Variants in TYW1 observed in about 807,000 individuals in gnomAD.
The protein encoded by TYW1 is S-adenosyl-L-methionine-dependent tRNA 4-demethylwyosine synthase TYW1.
A neutral mutation model predicts 96.2 loss-of-function variants in TYW1; 46 were observed. That is an observed-to-expected ratio of 0.48 (90% CI 0.38 to 0.61). The LOEUF (loss-of-function observed/expected upper bound fraction) is 0.61, where lower values mean the gene tolerates loss of function less well. Ranked by LOEUF, TYW1 falls within the 20% of genes least tolerant of loss-of-function variation. TYW1 has a pLI of 0.00. For missense variants in TYW1, 684 were observed against 909.6 expected (o/e 0.75, Z 3.19); for synonymous variants, 274 against 323.0 (o/e 0.85, Z 1.63).
chr7:66,999,089 C>A, intron 3 of TYW1, 135 bp downstream of exon 3: 1 of 924,610 alleles, frequency 1.1e-6, no homozygotes. Flanking sequence ...ATTCTTTCTC[C>A]CAGCCTTTTC....
At chr7:67,170,374 A>G (rs775709578) in intron 13 of TYW1, among the ~76,000 whole-genome samples, 15 of 152,172 alleles carry the variant, frequency 9.9e-5, no homozygotes, top group Non-Finnish European at 1.6e-4. Context: ...TGAATCTTCT[A>G]ACTTTCTTCT....
At chr7:67,210,682 C>A (rs1291541453) in intron 15 of TYW1, among the ~76,000 whole-genome samples, 1 of 138,496 alleles carries the variant, frequency 7.2e-6, no homozygotes, top group African/African-American at 2.8e-5. Flanking sequence ...ATCTGTCTAT[C>A]CATCCATTCG....
At chr7:67,087,932 T>G (rs534248050) in intron 11 of TYW1, among the ~76,000 whole-genome samples, 3 of 152,210 alleles carry the variant, frequency 2.0e-5, no homozygotes, top group African/African-American at 7.2e-5. Context: ...GGCATGATCT[T>G]GGCTCACTGC....
chr7:67,207,681 CTT>C (rs11286327), intron 15 of TYW1, among the ~76,000 whole-genome samples: 55 of 116,556 alleles, frequency 4.7e-4, no homozygotes, highest in East Asian at 4.7e-4. Flanking sequence ...TTTTGTTTGC[CTT>C]TTTTTTTTTT....
chr7:66,997,989 TTTC>T (rs1793247587), intron 1 of TYW1, 73 bp from the exon 2 acceptor site: 1 of 1,489,236 alleles, frequency 6.7e-7, no homozygotes, highest in Non-Finnish European at 8.9e-7. Flanking sequence ...TTGGTTTTAT[TTTC>T]TTCTTAAAAT....
chr7:67,098,249 A>G (rs1349240572), intron 11 of TYW1, among the ~76,000 whole-genome samples: 5 of 152,256 alleles, frequency 3.3e-5, no homozygotes, highest in African/African-American at 9.6e-5. Context: ...TGCAAAGCTA[A>G]GCAAATTATG....
At chr7:67,104,050 G>C (rs1163509191) in intron 12 of TYW1, among the ~76,000 whole-genome samples, 6 of 152,036 alleles carry the variant, frequency 3.9e-5, no homozygotes, top group Non-Finnish European at 7.4e-5. Context: ...CTAAGTAACT[G>C]CAATACCACC....
At chr7:67,209,629 G>T (rs1800932023) in intron 15 of TYW1, among the ~76,000 whole-genome samples, 1 of 152,054 alleles carries the variant, frequency 6.6e-6, no homozygotes, top group Non-Finnish European at 1.5e-5. Context: ...TTGGAGTGCA[G>T]TGGCGCGATC....
At chr7:67,044,322 T>C (rs1420272267) in intron 7 of TYW1, among the ~76,000 whole-genome samples, 1 of 152,102 alleles carries the variant, frequency 6.6e-6, no homozygotes, top group Non-Finnish European at 1.5e-5. Flanking sequence ...GTTCTAGAAC[T>C]CCTGACCTCA....
chr7:67,064,523 A>G (rs1795799019), intron 9 of TYW1, among the ~76,000 whole-genome samples: 1 of 152,218 alleles, frequency 6.6e-6, no homozygotes, highest in South Asian at 2.1e-4. Context: ...ACAGTTTCAC[A>G]TGGCTGGGGA....
At chr7:67,028,967 A>G (rs1319314944) in intron 7 of TYW1, among the ~76,000 whole-genome samples, 11 of 151,684 alleles carry the variant, frequency 7.3e-5, no homozygotes, top group Non-Finnish European at 1.3e-4. Flanking sequence ...GTGATTTCCA[A>G]GTGGTGTTGG....
chr7:67,179,865 A>ATTTT (rs200362190), intron 13 of TYW1, among the ~76,000 whole-genome samples: 3 of 87,200 alleles, frequency 3.4e-5, no homozygotes, highest in African/African-American at 1.2e-4. Flanking sequence ...ATATATATAT[A>ATTTT]TTTTTTTTTT....
chr7:67,065,995 G>A (rs568864174), intron 9 of TYW1, among the ~76,000 whole-genome samples: 8 of 137,780 alleles, frequency 5.8e-5, no homozygotes, highest in African/African-American at 2.2e-4. Flanking sequence ...AGGTGACAGA[G>A]TGAGACTACA....
In TYW1 at chr7:67,239,223, G is replaced by A. The variant is rs1208069583; in HGVS notation, c.*694G>A. The A allele has an allele frequency of 1.0e-6, 1 of 985,030 alleles. No individual in the cohort carries two copies. Among genetic ancestry groups the A allele is most frequent in the Non-Finnish European group, 1.2e-6 (1 of 829,700 alleles). 61.0% of individuals were successfully genotyped at this position (985,030 alleles called of 1,614,324 possible). A position where few individuals can be genotyped will look rare whatever the true frequency, so the allele number is the denominator to read the frequency against. On this transcript the variant is annotated 3_prime_UTR_variant, in exon 16 of 16. Transcript: ENST00000359626. ...GAAGCTGTCTGCTGTAAGAGGAGTG[G>A]CCATGTGAGGGCATGGAGTCATTAG...
chr7:67,090,944 G>C (rs954105512), intron 11 of TYW1, among the ~76,000 whole-genome samples: 1 of 152,136 alleles, frequency 6.6e-6, no homozygotes, highest in African/African-American at 2.4e-5. Context: ...GGAGAAATAG[G>C]AACACTTTTA....
chr7:67,013,926 G>A (rs1468508683), intron 4 of TYW1, among the ~76,000 whole-genome samples: 1 of 151,710 alleles, frequency 6.6e-6, no homozygotes, highest in African/African-American at 2.4e-5. Flanking sequence ...TGTATTTTTA[G>A]TAGAGACGAG....
chr7:67,047,301 C>T (rs1263548343), intron 7 of TYW1, among the ~76,000 whole-genome samples: 3 of 152,156 alleles, frequency 2.0e-5, no homozygotes, highest in East Asian at 1.9e-4. Context: ...GTAGCTGAGG[C>T]GGGAGGGTCG....
intron 13 of TYW1, among the ~76,000 whole-genome samples, chr7:67,156,237 CCAGG>C (rs1226592345): frequency 1.3e-5 from 2 of 152,136 alleles, no homozygotes; most frequent in African/African-American, 2.4e-5. Context: ...TTCTTAGGCC[CCAGG>C]CAGTGTGCCA....
Position 67,233,464 on chromosome 7 carries a change from A to T in TYW1, c.1978-4844A>T, listed in dbSNP as rs1365986500. ...ATTGCCTCATCTAGCCAGCAAGGCCACAGACCCTTAGCAGCCTGGCTTTTT... is the reference window on the plus strand; with the variant it reads ...ATTGCCTCATCTAGCCAGCAAGGCCTCAGACCCTTAGCAGCCTGGCTTTTT... On this transcript the variant is annotated intron_variant, in intron 15 of 15. Coordinates refer to ENST00000359626, the MANE Select transcript of TYW1 (RefSeq NM_018264.4). Among the ~76,000 whole-genome samples the T allele has an allele frequency of 3.0e-5, 4 of 135,094 alleles. 1 individual carries two copies. Among genetic ancestry groups the T allele is most frequent in the African/African-American group, 1.2e-4 (4 of 33,798 alleles). 88.6% of individuals were successfully genotyped at this position (135,094 alleles called of 152,430 possible).
Sources: gnomAD v4.1 joint callset for allele counts (sites outside exome capture counted in the v4.1 genomes callset) on GRCh38, gnomAD v4.1.1 for gene constraint, MANE v1.5 for transcripts, NCBI Gene and HGNC (gene_info 2026-07-23, HGNC 2026-07-21) for gene names.